Variants in SNX29 observed in about 807,000 individuals in gnomAD.
SNX29 encodes the protein sorting nexin 29.
Under a neutral mutation model 102.1 loss-of-function variants are expected in SNX29, and 78 were observed. That is an observed-to-expected ratio of 0.76 (90% CI 0.64 to 0.92). The LOEUF is 0.92. SNX29 is among the 40% of genes least tolerant of loss of function. The probability of loss-of-function intolerance (pLI) is 0.00; values close to 1 mark genes in which losing one functional copy is unlikely to be tolerated. For missense variants in SNX29, 1,280 were observed against 1,061.7 expected (o/e 1.21, Z -2.86); for synonymous variants, 580 against 414.5 (o/e 1.40, Z -4.85).
intron 6 of SNX29, among the ~76,000 whole-genome samples, chr16:12,046,876 C>T (rs552799534): frequency 1.3e-5 from 2 of 152,322 alleles, no homozygotes; most frequent in South Asian, 4.1e-4. Flanking sequence ...GCCTTGGCCT[C>T]CCAAAGCATT....
chr16:12,289,968 C>G (rs2079736498), intron 15 of SNX29, among the ~76,000 whole-genome samples: 1 of 152,132 alleles, frequency 6.6e-6, no homozygotes, highest in Non-Finnish European at 1.5e-5. Flanking sequence ...ACATAAAGGG[C>G]TCGTCACTGG....
chr16:12,172,160 G>T (rs1043399366), intron 13 of SNX29, among the ~76,000 whole-genome samples: 14 of 152,108 alleles, frequency 9.2e-5, no homozygotes, highest in African/African-American at 3.4e-4. Context: ...AATGCAAATC[G>T]GTACCTGGTG....
Position 12,416,526 on chromosome 16 carries a change from C to A in SNX29, c.2037+12997C>A, listed in dbSNP as rs555383161. 3.3e-5 allele frequency among the ~76,000 whole-genome samples: 5 copies of A among 152,298 alleles called. 1 individual carries two copies. Among genetic ancestry groups the A allele is most frequent in the Admixed American group, 6.5e-5 (1 of 15,300 alleles). On this transcript the variant is annotated intron_variant, in intron 18 of 20. Coordinates refer to ENST00000566228, the MANE Select transcript of SNX29 (RefSeq NM_032167.5). ...ACATGTAGCAAAACACCACATCATGCCCCTGAGTTCGTTTGTTTTGTGTGG... is the reference window on the plus strand; with the variant it reads ...ACATGTAGCAAAACACCACATCATGACCCTGAGTTCGTTTGTTTTGTGTGG...
At chr16:12,023,282 G>T (rs886749623) in intron 3 of SNX29, among the ~76,000 whole-genome samples, 1 of 151,778 alleles carries the variant, frequency 6.6e-6, no homozygotes, top group African/African-American at 2.4e-5. Context: ...TCATTAACTT[G>T]GAATGGAAGT....
intron 19 of SNX29, among the ~76,000 whole-genome samples, chr16:12,522,899 C>G (rs1269497425): frequency 1.3e-5 from 2 of 152,186 alleles, no homozygotes; most frequent in Non-Finnish European, 2.9e-5. Flanking sequence ...TGCACTCTAC[C>G]TCTCGGGCTT....
intron 11 of SNX29, among the ~76,000 whole-genome samples, chr16:12,110,612 G>T (rs960914970): frequency 6.6e-6 from 1 of 152,064 alleles, no homozygotes; most frequent in Non-Finnish European, 1.5e-5. Context: ...TTGGGCTTGC[G>T]GTGAGACAAA....
intron 19 of SNX29, among the ~76,000 whole-genome samples, chr16:12,493,107 A>G (rs912319947): frequency 2.4e-4 from 37 of 152,312 alleles, no homozygotes; most frequent in African/African-American, 8.7e-4. Flanking sequence ...CATTGCATCT[A>G]TAAATTACCT....
At chr16:12,226,638 A>G (rs932910543) in intron 14 of SNX29, among the ~76,000 whole-genome samples, 2 of 150,148 alleles carry the variant, frequency 1.3e-5, no homozygotes, top group Admixed American at 6.7e-5. Context: ...CACTGGTGCA[A>G]TCTTGGCTCA....
chr16:12,526,531 C>A (rs947781714), intron 20 of SNX29: 1 of 516,800 alleles, frequency 1.9e-6, no homozygotes, highest in Non-Finnish European at 3.8e-6. Context: ...TTCTTTTCTT[C>A]TTTTATTTGT....
Position 12,351,697 on chromosome 16 carries a change from G to C in SNX29, c.1783-4466G>C, listed in dbSNP as rs113460518. ...ATTATTTTTGGAGATCATCTTTCCT[G>C]ATACTCCAGCTGGAAGGAATTACTC... On this transcript the variant is annotated intron_variant, in intron 15 of 20. Transcript: ENST00000566228. 4.8e-3 allele frequency among the ~76,000 whole-genome samples: 727 copies of C among 151,992 alleles called. 5 individuals carry two copies. Among genetic ancestry groups the C allele is most frequent in the African/African-American group, 0.017 (705 of 41,448 alleles).
intron 20 of SNX29, among the ~76,000 whole-genome samples, chr16:12,538,260 G>C (rs1489914005): frequency 6.6e-6 from 1 of 151,998 alleles, no homozygotes; most frequent in Non-Finnish European, 1.5e-5. Flanking sequence ...GGATTACAGG[G>C]ATCTGCCACC....
rs991986590 is a variant in SNX29, at chr16:12,402,690, G to A, written c.1956-758G>A. 5.3e-5 allele frequency among the ~76,000 whole-genome samples: 8 copies of A among 152,174 alleles called. No individual in the cohort carries two copies. The East Asian group carries it at 5.8e-4, about 11-fold the overall frequency. On this transcript the variant is annotated intron_variant, in intron 17 of 20. Transcript: ENST00000566228. The stretch of plus-strand genomic sequence containing the variant: ...AACATGCCTCACCTGGCCCACGCGA[G>A]GTGAGAAATAAATGATTTGACCATA...
chr16:12,568,008 A>G (rs773548894), intron 20 of SNX29, among the ~76,000 whole-genome samples: 1 of 152,114 alleles, frequency 6.6e-6, no homozygotes, highest in Non-Finnish European at 1.5e-5. Flanking sequence ...ACACAATACC[A>G]TGCCAAACAA....
At chr16:12,115,240 G>A (rs1265572667) in intron 11 of SNX29, among the ~76,000 whole-genome samples, 1 of 152,012 alleles carries the variant, frequency 6.6e-6, no homozygotes, top group Admixed American at 6.6e-5. Flanking sequence ...CTTCTTGGCT[G>A]GGAATCCCAT....
intron 14 of SNX29, among the ~76,000 whole-genome samples, chr16:12,240,678 C>T (rs2078078183): frequency 7.4e-6 from 1 of 134,518 alleles, no homozygotes; most frequent in African/African-American, 2.8e-5. Flanking sequence ...CTTACTGCAA[C>T]CTCTGCCTCC....
chr16:12,477,630 A>C (rs2087716494), intron 18 of SNX29, 89 bp from the exon 19 acceptor site: 2 of 1,472,984 alleles, frequency 1.4e-6, no homozygotes, highest in East Asian at 4.6e-5. Flanking sequence ...CTCTTGCTGC[A>C]GTTGGTTTTC....
At chr16:12,135,243 A>G (rs1438877853) in intron 13 of SNX29, among the ~76,000 whole-genome samples, 1 of 152,230 alleles carries the variant, frequency 6.6e-6, no homozygotes, top group African/African-American at 2.4e-5. Flanking sequence ...AATTGTGTTG[A>G]TCTAGCTATC....
At chr16:12,522,366 T>C (rs144118502) in intron 19 of SNX29, among the ~76,000 whole-genome samples, 9 of 152,192 alleles carry the variant, frequency 5.9e-5, no homozygotes, top group African/African-American at 1.9e-4. Context: ...CTTGCCATGC[T>C]CGGGGCCTTG....
intron 14 of SNX29, among the ~76,000 whole-genome samples, chr16:12,273,236 T>C (rs2079144239): frequency 6.6e-6 from 1 of 152,074 alleles, no homozygotes. Context: ...GGGCCCACAC[T>C]CTCCAACTCA....
Sources: allele counts gnomAD v4.1 joint callset (sites outside exome capture counted in the v4.1 genomes callset), GRCh38; gene constraint gnomAD v4.1.1; transcripts MANE v1.5; gene names NCBI Gene and HGNC (gene_info 2026-07-23, HGNC 2026-07-21).